TMEM163: variants seen among roughly 807,000 people sequenced by gnomAD.
The protein encoded by TMEM163 is transmembrane protein 163.
A neutral mutation model predicts 29.3 loss-of-function variants in TMEM163; 17 were observed. The observed-to-expected ratio is 0.58, with a 90% CI of 0.40 to 0.87. The LOEUF (loss-of-function observed/expected upper bound fraction) is 0.87. TMEM163 is among the 40% of genes least tolerant of loss of function. The pLI, the probability that TMEM163 is intolerant of heterozygous loss-of-function variation, is 0.00. For missense variants in TMEM163, 303 were observed against 381.5 expected (o/e 0.79, Z 1.71); for synonymous variants, 157 against 160.6 (o/e 0.98, Z 0.17).
At position 134,606,505 on chromosome 2, in the gene TMEM163, A is replaced by G. The variant is rs559080829; in HGVS notation, c.323-54414T>C. Reference sequence around the variant, plus strand: ...TCGAGTCTCTCCTGGCCCACCCTGCAGAATCACTCTGCCCAAGGTGTTTCC... The same window carrying G: ...TCGAGTCTCTCCTGGCCCACCCTGCGGAATCACTCTGCCCAAGGTGTTTCC... On this transcript the variant is annotated intron_variant, in intron 2 of 7. Coordinates refer to ENST00000281924, the MANE Select transcript of TMEM163 (RefSeq NM_030923.5). Among the ~76,000 whole-genome samples the G allele has an allele frequency of 3.3e-5, 5 of 152,314 alleles. No individual in the cohort carries two copies. In the East Asian group the frequency reaches 9.6e-4, roughly 29 times the overall value.
At chr2:134,462,753 C>T (rs1238091631) in intron 6 of TMEM163, among the ~76,000 whole-genome samples, 1 of 152,204 alleles carries the variant, frequency 6.6e-6, no homozygotes, top group Non-Finnish European at 1.5e-5. Flanking sequence ...AAGCCTAGAC[C>T]GAGATCGTGT....
chr2:134,581,903 C>G (rs548981046), intron 2 of TMEM163, among the ~76,000 whole-genome samples: 6 of 152,170 alleles, frequency 3.9e-5, no homozygotes, highest in Non-Finnish European at 7.3e-5. Context: ...TTCCATCGTT[C>G]AAAATATGGC....
intron 2 of TMEM163, among the ~76,000 whole-genome samples, chr2:134,688,058 G>A (rs970585327): frequency 4.6e-5 from 7 of 151,978 alleles, no homozygotes; most frequent in East Asian, 1.9e-4. Context: ...AGCCACTACC[G>A]GCCGCTCAAC....
At chr2:134,502,636 A>G (rs1679723178) in intron 5 of TMEM163, among the ~76,000 whole-genome samples, 1 of 152,186 alleles carries the variant, frequency 6.6e-6, no homozygotes, top group Non-Finnish European at 1.5e-5. Flanking sequence ...ACACACACAA[A>G]AAGTCTTGCT....
intron 2 of TMEM163, among the ~76,000 whole-genome samples, chr2:134,605,979 T>G (rs1475943215): frequency 6.6e-6 from 1 of 152,026 alleles, no homozygotes; most frequent in Non-Finnish European, 1.5e-5. Flanking sequence ...CTGGGGGTGA[T>G]TTTGGTTGGG....
chr2:134,519,059 G>A (rs945597818), intron 4 of TMEM163, among the ~76,000 whole-genome samples: 4 of 152,172 alleles, frequency 2.6e-5, no homozygotes, highest in Non-Finnish European at 5.9e-5. Context: ...CAGGACCCCA[G>A]GATCAGGACG....
At chr2:134,496,966 C>T (rs535159611) in intron 5 of TMEM163, among the ~76,000 whole-genome samples, 1 of 152,260 alleles carries the variant, frequency 6.6e-6, no homozygotes, top group African/African-American at 2.4e-5. Flanking sequence ...CCTCTTCCCA[C>T]GCCTCCTCCC....
chr2:134,519,450 G>A lies in TMEM163; in HGVS notation c.459-16453C>T, dbSNP rs957478072. 7.9e-5 allele frequency among the ~76,000 whole-genome samples: 12 copies of A among 152,144 alleles called. 1 individual carries two copies. The highest frequency in any genetic ancestry group is 6.2e-4 in the South Asian group (3 of 4,828). On this transcript the variant is annotated intron_variant, in intron 4 of 7. Transcript: ENST00000281924. ...AAATGAGGTCAGAGCAGTGGCTCAC[G>A]CCTGTAATCCCAGCACTTTAGGAGG...
chr2:134,503,098 C>A (rs777119389), intron 4 of TMEM163, 101 bp from the exon 5 acceptor site: 25 of 1,209,536 alleles, frequency 2.1e-5, no homozygotes, highest in Non-Finnish European at 2.6e-5. Context: ...GGAATGAACT[C>A]AATTGTAATT....
intron 2 of TMEM163, among the ~76,000 whole-genome samples, chr2:134,655,806 C>T (rs1425099467): frequency 2.8e-5 from 4 of 141,590 alleles, no homozygotes; most frequent in Non-Finnish European, 6.0e-5. Context: ...AATACCCTGC[C>T]GTGTGAGGTG....
intron 2 of TMEM163, among the ~76,000 whole-genome samples, chr2:134,659,000 G>C (rs1683684595): frequency 1.3e-5 from 2 of 152,162 alleles, no homozygotes; most frequent in Admixed American, 1.3e-4. Flanking sequence ...ATCATGAGGT[G>C]GTTCTATCAT....
At chr2:134,549,387 G>C (rs996428960) in intron 4 of TMEM163, among the ~76,000 whole-genome samples, 2 of 152,176 alleles carry the variant, frequency 1.3e-5, no homozygotes, top group Non-Finnish European at 2.9e-5. Context: ...TCGCTCTGTT[G>C]CCCAGGCTGC....
chr2:134,671,448 T>C (rs1188334323), intron 2 of TMEM163, among the ~76,000 whole-genome samples: 1 of 152,026 alleles, frequency 6.6e-6, no homozygotes, highest in African/African-American at 2.4e-5. Context: ...GGCCACTCTG[T>C]CTCCAGCCTG....
In TMEM163 at chr2:134,547,525, A is replaced by G. The variant is rs556160240; in HGVS notation, c.458+3045T>C. ...CTCTCCAGCAACTAACTGAAAACCA[A>G]TGGCTTTTCTAGCTGTGCCCCTCAT... On this transcript the variant is annotated intron_variant, in intron 4 of 7. Coordinates refer to ENST00000281924, the MANE Select transcript of TMEM163 (RefSeq NM_030923.5). Among the ~76,000 whole-genome samples the G allele has an allele frequency of 4.6e-5, 7 of 152,354 alleles. No homozygotes were observed. In the South Asian group the frequency reaches 1.5e-3, roughly 32 times the overall value.
At chr2:134,521,233 G>C (rs192103507) in intron 4 of TMEM163, among the ~76,000 whole-genome samples, 2 of 152,066 alleles carry the variant, frequency 1.3e-5, no homozygotes, top group Non-Finnish European at 2.9e-5. Context: ...TCCTGACCTC[G>C]TGATCCACCT....
chr2:134,530,747 C>A (rs1680398766), intron 4 of TMEM163, among the ~76,000 whole-genome samples: 1 of 152,174 alleles, frequency 6.6e-6, no homozygotes, highest in East Asian at 1.9e-4. Flanking sequence ...AATTTAATAA[C>A]CTAGGCTTCC....
intron 2 of TMEM163, among the ~76,000 whole-genome samples, chr2:134,621,815 C>T (rs190181255): frequency 1.8e-3 from 274 of 152,048 alleles, no homozygotes; most frequent in Non-Finnish European, 2.9e-3. Context: ...GGTGTGAACC[C>T]GGGAGGTGGA....
chr2:134,514,320 C>T (rs1244076747), intron 4 of TMEM163, among the ~76,000 whole-genome samples: 1 of 150,056 alleles, frequency 6.7e-6, no homozygotes, highest in African/African-American at 2.5e-5. Context: ...AATCTTTTTG[C>T]TACACTGGAA....
rs191835170 is a variant in TMEM163 at position 134,614,549 on chromosome 2, C to T, written c.323-62458G>A. Among the ~76,000 whole-genome samples the T allele has an allele frequency of 1.8e-3, 271 of 152,174 alleles. 3 individuals carry two copies. The highest frequency in any genetic ancestry group is 6.0e-3 in the African/African-American group (251 of 41,524). On this transcript the variant is annotated intron_variant, in intron 2 of 7. Coordinates refer to ENST00000281924, the MANE Select transcript of TMEM163 (RefSeq NM_030923.5). ...TCAGTAAAAGATTGATAAATTGAAC[C>T]TTATCAAAATTAAAACATTTTCAGT... is the stretch of plus-strand genomic sequence containing the variant.
Sources: gnomAD v4.1 joint callset for allele counts (sites outside exome capture counted in the v4.1 genomes callset) on GRCh38, gnomAD v4.1.1 for gene constraint, MANE v1.5 for transcripts, NCBI Gene and HGNC (gene_info 2026-07-23, HGNC 2026-07-21) for gene names.